TMEM248: variants seen among roughly 807,000 people sequenced by gnomAD.
TMEM248 encodes the protein transmembrane protein 248.
In TMEM248, 9 loss-of-function variants were observed where a neutral mutation model predicts 30.3. That is an observed-to-expected ratio of 0.30 (90% CI 0.18 to 0.52). The LOEUF is 0.52. Ranked by LOEUF, TMEM248 falls within the 20% of genes least tolerant of loss-of-function variation. TMEM248 has a pLI of 0.97. For missense variants in TMEM248, 338 were observed against 403.3 expected (o/e 0.84, Z 1.39); for synonymous variants, 184 against 154.4 (o/e 1.19, Z -1.42).
chr7:66,945,857 G>A (rs1792087352), intron 3 of TMEM248, among the ~76,000 whole-genome samples: 1 of 152,106 alleles, frequency 6.6e-6, no homozygotes, highest in South Asian at 2.1e-4. Flanking sequence ...AGGCCAAGGT[G>A]GGCAGATCAC....
At chr7:66,921,711 G>A (rs1279035032) in intron 1 of TMEM248, 3 of 152,314 alleles carry the variant, frequency 2.0e-5, no homozygotes, top group Admixed American at 2.0e-4. Context: ...CTTGGAGATG[G>A]CGGGACTTCC....
At chr7:66,949,047 TC>T (rs1057409023) in intron 4 of TMEM248, among the ~76,000 whole-genome samples, 19 of 151,168 alleles carry the variant, frequency 1.3e-4, no homozygotes, top group African/African-American at 4.4e-4. Flanking sequence ...AGGCCTGCGA[TC>T]CCAGCACTGT....
chr7:66,950,913 C>A, intron 4 of TMEM248, 39 bp from the exon 5 acceptor site: 1 of 1,496,984 alleles, frequency 6.7e-7, no homozygotes, highest in Non-Finnish European at 8.9e-7. Context: ...TGACTCAGGC[C>A]ACTGAGCACG....
Position 66,941,931 on chromosome 7 carries a change from C to G in TMEM248, c.66C>G (p.Val22=). The G allele has an allele frequency of 6.2e-7, 1 of 1,614,118 alleles. No homozygotes were observed. Among genetic ancestry groups the G allele is most frequent in the Non-Finnish European group, 8.5e-7 (1 of 1,180,014 alleles). The change falls in exon 2 of 7, where the codon GTC becomes GTG. Residue 22 remains valine, a synonymous_variant. Coordinates refer to ENST00000341567, the MANE Select transcript of TMEM248 (RefSeq NM_017994.5). The part of the protein sequence containing the change: ...VYISSRPPLV[V]FMISVSAMAI... ...TCAGCAGTCGGCCTCCCCTGGTGGT[C>G]TTCATGATCAGCGTAAGCGCCATGG...
At chr7:66,945,308 T>TA (rs1228951322) in intron 3 of TMEM248, 47 bp downstream of exon 3, 6 of 1,584,428 alleles carry the variant, frequency 3.8e-6, no homozygotes, top group Non-Finnish European at 5.2e-6. Context: ...CAACCACTGT[T>TA]ACAAAAAGAG....
chr7:66,925,675 A>T (rs1436749112), intron 1 of TMEM248, among the ~76,000 whole-genome samples: 2 of 146,494 alleles, frequency 1.4e-5, no homozygotes, highest in Non-Finnish European at 3.0e-5. Flanking sequence ...TCATGAAATA[A>T]TTCTATTTGT....
At chr7:66,954,733 A>G (rs1792361656) in intron 6 of TMEM248, among the ~76,000 whole-genome samples, 1 of 152,138 alleles carries the variant, frequency 6.6e-6, no homozygotes, top group Non-Finnish European at 1.5e-5. Context: ...ATCTGTGGAT[A>G]TGAAACCCAC....
intron 1 of TMEM248, among the ~76,000 whole-genome samples, chr7:66,925,391 G>T (rs924853890): frequency 6.6e-6 from 1 of 152,032 alleles, no homozygotes; most frequent in African/African-American, 2.4e-5. Context: ...TTTCTCTAAC[G>T]GACTTTGTAC....
rs1467970647 is a variant in TMEM248, at chr7:66,957,308, A to G, written c.*1786A>G. 6.6e-6 allele frequency: 1 copy of G among 152,330 alleles called. No homozygotes were observed. The highest frequency in any genetic ancestry group is 1.5e-5 in the Non-Finnish European group (1 of 68,044). 9.4% of individuals were successfully genotyped at this position (152,330 alleles called of 1,614,324 possible). On this transcript the variant is annotated 3_prime_UTR_variant, in exon 7 of 7. Transcript: ENST00000341567. ...CATTTTATCCCAGGCATTTTTGAAT[A>G]GAAAACAGTTGCGTGCTTTTATTGA... is the stretch of plus-strand genomic sequence containing the variant.
intron 4 of TMEM248, among the ~76,000 whole-genome samples, chr7:66,950,029 A>G (rs1490547002): frequency 2.0e-5 from 3 of 152,140 alleles, no homozygotes; most frequent in Non-Finnish European, 2.9e-5. Flanking sequence ...AGTGACTGAT[A>G]TAGAATTTTG....
At chr7:66,925,402 C>G (rs548883770) in intron 1 of TMEM248, among the ~76,000 whole-genome samples, 1 of 152,140 alleles carries the variant, frequency 6.6e-6, no homozygotes, top group East Asian at 1.9e-4. Flanking sequence ...GACTTTGTAC[C>G]CTTTGACCAT....
chr7:66,946,943 G>T (rs536079776), intron 3 of TMEM248, among the ~76,000 whole-genome samples: 1 of 152,316 alleles, frequency 6.6e-6, no homozygotes, highest in East Asian at 1.9e-4. Context: ...GCTAGATGCA[G>T]TGGCTCATGC....
intron 3 of TMEM248, 97 bp downstream of exon 3, chr7:66,945,358 A>G: frequency 7.5e-7 from 1 of 1,340,766 alleles, no homozygotes; most frequent in Non-Finnish European, 1.0e-6. Flanking sequence ...ATTGTACTAG[A>G]TTGTAGTCTT....
chr7:66,934,946 T>C (rs1408862658), intron 1 of TMEM248, among the ~76,000 whole-genome samples: 1 of 151,816 alleles, frequency 6.6e-6, no homozygotes, highest in Non-Finnish European at 1.5e-5. Context: ...TCTCAGCTAC[T>C]CAGAAGGCTG....
intron 6 of TMEM248, 88 bp from the exon 7 acceptor site, chr7:66,955,414 A>AT: frequency 6.8e-7 from 1 of 1,462,582 alleles, no homozygotes; most frequent in South Asian, 1.2e-5. Flanking sequence ...GATATGTGCA[A>AT]TTAGTGTGGC....
chr7:66,950,563 G>T (rs1313044971), intron 4 of TMEM248, among the ~76,000 whole-genome samples: 1 of 152,016 alleles, frequency 6.6e-6, no homozygotes, highest in Non-Finnish European at 1.5e-5. Context: ...AAATAACCCA[G>T]TCCCGGGTAT....
intron 2 of TMEM248, among the ~76,000 whole-genome samples, chr7:66,943,888 C>A (rs537844240): frequency 2.0e-5 from 3 of 151,814 alleles, no homozygotes; most frequent in African/African-American, 7.3e-5. Context: ...GCCTCTGCCC[C>A]CCTTCAAACG....
intron 3 of TMEM248, 116 bp downstream of exon 3, chr7:66,945,377 CTTTT>C: frequency 8.5e-7 from 1 of 1,177,102 alleles, no homozygotes; most frequent in Non-Finnish European, 1.2e-6. Context: ...TTGCGCGTGT[CTTTT>C]TTTTGTTGAG....
chr7:66,950,808 CAAAG>C, intron 4 of TMEM248, 140 bp from the exon 5 acceptor site: 5 of 572,114 alleles, frequency 8.7e-6, no homozygotes, highest in Non-Finnish European at 1.1e-5. Flanking sequence ...GTATTTATCT[CAAAG>C]AAGCATGAAC....
Sources: allele counts gnomAD v4.1 joint callset (sites outside exome capture counted in the v4.1 genomes callset), GRCh38; gene constraint gnomAD v4.1.1; transcripts MANE v1.5; gene names NCBI Gene and HGNC (gene_info 2026-07-23, HGNC 2026-07-21).